The following PLCH2 variants were observed in gnomAD, a reference collection of about 807,000 sequenced individuals.
The protein encoded by PLCH2 is phospholipase C eta 2.
Under a neutral mutation model 134.7 loss-of-function variants are expected in PLCH2, and 98 were observed. That is an observed-to-expected ratio of 0.73 (90% CI 0.62 to 0.86). The LOEUF (loss-of-function observed/expected upper bound fraction) is 0.86. Ranked by LOEUF, PLCH2 falls within the 40% of genes least tolerant of loss-of-function variation. PLCH2 has a pLI of 0.00. For missense variants in PLCH2, 1,994 were observed against 1,986.6 expected (o/e 1.00, Z -0.07); for synonymous variants, 974 against 827.5 (o/e 1.18, Z -3.04).
upstream of PLCH2, among the ~76,000 whole-genome samples, chr1:2,472,011 C>A (rs1249173757): frequency 6.6e-6 from 1 of 152,148 alleles, no homozygotes; most frequent in Non-Finnish European, 1.5e-5. Flanking sequence ...GTGGCCCCAG[C>A]CCCACAGGCC....
At position 2,504,151 on chromosome 1, in the gene PLCH2, C is replaced by T. The variant is rs765118901; in HGVS notation, c.3189C>T (p.Gly1063=). ...GGCCTCGGCCGTGCAACGGCGAGGG[C>T]GCCGGCGGGGCATACGAGAGGGCCC... ...DSRPRPCNGE[G]AGGAYERAPG... is the part of the protein sequence containing the mutation. The change falls in exon 22 of 22, where the codon GGC becomes GGT. Residue 1063 remains glycine (G), a synonymous_variant. Transcript: ENST00000378486. 22 of 1,522,858 alleles carry T rather than the reference C, an allele frequency of 1.4e-5. No homozygotes were observed. Among genetic ancestry groups the T allele is most frequent in the East Asian group, 4.9e-5 (2 of 40,834 alleles). The allele number at this position is 1,522,858 out of a possible 1,614,324, so 94.3% of individuals were successfully genotyped here. A position where few individuals can be genotyped will look rare whatever the true frequency, so the allele number is the denominator to read the frequency against.
At chr1:2,482,969 GC>G (rs887771061) in intron 4 of PLCH2, among the ~76,000 whole-genome samples, 1 of 152,160 alleles carries the variant, frequency 6.6e-6, no homozygotes, top group Non-Finnish European at 1.5e-5. Flanking sequence ...CCCACTCTGG[GC>G]TCCTCGCAGG....
At chr1:2,465,463 C>G (rs1641013853), upstream of PLCH2, among the ~76,000 whole-genome samples, 1 of 152,194 alleles carries the variant, frequency 6.6e-6, no homozygotes, top group Admixed American at 6.5e-5. Flanking sequence ...ACAGCTGGCT[C>G]TGCGTCCCTG....
chr1:2,418,324 G>A, the PLCH2 span, among the ~76,000 whole-genome samples: 1 of 152,236 alleles, frequency 6.6e-6, no homozygotes, highest in Non-Finnish European at 1.5e-5. Context: ...AGAGACAGGA[G>A]TGGGGGTGTT....
intron 3 of PLCH2, 80 bp from the exon 4 acceptor site, chr1:2,480,095 GTCCCCTAT>G: frequency 1.9e-6 from 3 of 1,583,564 alleles, no homozygotes; most frequent in Non-Finnish European, 2.6e-6. Flanking sequence ...GTAGGCTGGG[GTCCCCTAT>G]TCCTTCCTCC....
chr1:2,461,871 C>CA (rs35931789), intron 2 of PLCH2, among the ~76,000 whole-genome samples: 87,449 of 151,866 alleles, frequency 0.58, 26,012 homozygotes, highest in East Asian at 0.87. Flanking sequence ...GACTCATCCC[C>CA]CCCAGGGCCT....
intron 1 of PLCH2, among the ~76,000 whole-genome samples, chr1:2,468,681 G>C (rs1008561049): frequency 6.6e-6 from 1 of 152,238 alleles, no homozygotes; most frequent in Non-Finnish European, 1.5e-5. Context: ...CTTGCCTCCT[G>C]GTGGTTTGGA....
At chr1:2,420,587 G>A in the PLCH2 span, among the ~76,000 whole-genome samples, 6 of 152,138 alleles carry the variant, frequency 3.9e-5, no homozygotes, top group Non-Finnish European at 8.8e-5. Context: ...AGGACCCCAG[G>A]GCTGGGGCAC....
intron 2 of PLCH2, among the ~76,000 whole-genome samples, chr1:2,438,253 C>A (rs1033101398): frequency 6.6e-6 from 1 of 152,236 alleles, no homozygotes; most frequent in Non-Finnish European, 1.5e-5. Context: ...CCTGTGCAGG[C>A]GACAGTTGGT....
intron 2 of PLCH2, chr1:2,479,149 G>A (rs1025525198): frequency 6.0e-6 from 1 of 166,548 alleles, no homozygotes; most frequent in African/African-American, 2.4e-5. Context: ...TCAAGGGCTG[G>A]GATCAGGGCG....
intron 4 of PLCH2, among the ~76,000 whole-genome samples, chr1:2,481,682 G>A (rs976908033): frequency 2.0e-5 from 3 of 152,258 alleles, no homozygotes; most frequent in African/African-American, 7.2e-5. Context: ...GAGGAATGGC[G>A]AGGTAGCTGT....
At chr1:2,495,344 A>G in intron 12 of PLCH2, 144 bp from the exon 13 acceptor site, 1 of 663,222 alleles carries the variant, frequency 1.5e-6, no homozygotes, top group Non-Finnish European at 2.6e-6. Context: ...AGGCTTTGGC[A>G]GGCCCAGCCA....
chr1:2,435,145 G>A (rs1374248433), intron 2 of PLCH2, among the ~76,000 whole-genome samples: 2 of 152,222 alleles, frequency 1.3e-5, no homozygotes, highest in East Asian at 3.8e-4. Flanking sequence ...GAGCTCTGCT[G>A]GGAGGAGGAG....
intron 2 of PLCH2, among the ~76,000 whole-genome samples, chr1:2,434,139 C>G (rs1317173008): frequency 6.6e-6 from 1 of 152,260 alleles, no homozygotes; most frequent in African/African-American, 2.4e-5. Context: ...GTGCACCGAG[C>G]TCTTTGAGGC....
chr1:2,456,691 GCC>G (rs1640513153), intron 2 of PLCH2, among the ~76,000 whole-genome samples: 4 of 152,164 alleles, frequency 2.6e-5, no homozygotes, highest in African/African-American at 9.7e-5. Flanking sequence ...CCCTCCTTGG[GCC>G]TCAGTTTCCC....
chr1:2,428,489 G>T (rs572526450), intron 1 of PLCH2, among the ~76,000 whole-genome samples: 5 of 152,264 alleles, frequency 3.3e-5, no homozygotes, highest in Non-Finnish European at 5.9e-5. Flanking sequence ...GGGGTCCTGC[G>T]TCTGGCTCGC....
intron 21 of PLCH2, chr1:2,503,567 C>A: frequency 6.2e-6 from 4 of 640,772 alleles, no homozygotes; most frequent in Admixed American, 2.5e-5. Flanking sequence ...CCCCTCCAGA[C>A]CCCCCTGACC....
rs767843825 is a variant in PLCH2, at chr1:2,491,255, G to A, written c.1579G>A (p.Glu527Lys). ...GAGGAAACTGGATTCCCTCATCAAA[G>A]AGTCGAAGATTCGGGACTGTGAGGA... ...AKRKLDSLIKESKIRDCEDPN... is the reference protein window; with the variant it reads ...AKRKLDSLIKKSKIRDCEDPN... Residue 527 changes from glutamate to lysine, a missense_variant, in exon 11 of 22, where the codon GAG becomes AAG. By Grantham distance (56) the Glu-to-Lys change is moderately conservative. This residue lies in a region of PLCH2 where 1,094 missense variants were observed against 1,234.3 expected (regional missense o/e 0.89). Transcript: ENST00000378486. The A allele has an allele frequency of 2.5e-6, 4 of 1,613,250 alleles. No homozygotes were observed. The highest frequency in any genetic ancestry group is 2.2e-5 in the East Asian group (1 of 44,894).
chr1:2,443,898 C>T (rs967736882), intron 2 of PLCH2, among the ~76,000 whole-genome samples: 2 of 151,290 alleles, frequency 1.3e-5, no homozygotes, highest in African/African-American at 2.4e-5. Context: ...GCAGCCCCCG[C>T]CCCCGCCGCC....
Sources: gnomAD v4.1 joint callset for allele counts (sites outside exome capture counted in the v4.1 genomes callset) on GRCh38, gnomAD v4.1.1 for gene constraint, gnomAD v4.1.1 regional missense constraint, MANE v1.5 for transcripts, NCBI Gene and HGNC (gene_info 2026-07-23, HGNC 2026-07-21) for gene names.